PPP4R4: variants seen among roughly 807,000 people sequenced by gnomAD.
PPP4R4 encodes the protein serine/threonine-protein phosphatase 4 regulatory subunit 4.
PPP4R4 carries 70 observed loss-of-function variants against 121.8 expected under a neutral mutation model. The ratio of observed to expected loss-of-function variants is 0.57; its 90% CI spans 0.47 to 0.70. The LOEUF is 0.70. PPP4R4 is among the 30% of genes least tolerant of loss of function. The pLI is 0.00. For missense variants in PPP4R4, 875 were observed against 1,033.6 expected, an observed-to-expected ratio of 0.85 and a Z score of 2.10; for synonymous variants, 348 against 355.7, an observed-to-expected ratio of 0.98 and a Z score of 0.24.
At position 94,242,382 on chromosome 14, in the gene PPP4R4, T is replaced by C; in HGVS notation, c.1240T>C (p.Tyr414His). The change falls in exon 11 of 25, where the codon TAC (tyrosine) becomes CAC (histidine). Residue 414 changes from tyrosine (Y) to histidine (H), a missense_variant. Physicochemically the swap from Tyr to His is moderately conservative, Grantham distance 83 (BLOSUM62 2). Coordinates refer to ENST00000304338, the MANE Select transcript of PPP4R4 (RefSeq NM_058237.2). Reference protein sequence around the residue: ...LCHDPEVPVRYTIAICFYEVS... With the variant: ...LCHDPEVPVRHTIAICFYEVS... ...CCATGACCCTGAAGTACCAGTCAGA[T>C]ACACTATTGCTATTTGCTTTTATGA... 1 of 1,610,658 alleles carries C rather than the reference T, an allele frequency of 6.2e-7. No homozygotes were observed. The highest frequency in any genetic ancestry group is 8.5e-7 in the Non-Finnish European group (1 of 1,177,036).
chr14:94,248,554 T>A (rs1893014396), intron 14 of PPP4R4, among the ~76,000 whole-genome samples: 1 of 152,196 alleles, frequency 6.6e-6, no homozygotes. Context: ...TTAAAAAAAT[T>A]ATTTTAAAAT....
At chr14:94,245,719 A>C in intron 13 of PPP4R4, 49 bp downstream of exon 13, 1 of 1,355,402 alleles carries the variant, frequency 7.4e-7, no homozygotes, top group Non-Finnish European at 1.0e-6. Flanking sequence ...ATATTATCCT[A>C]CTCTACAGGG....
chr14:94,268,991 G>A (rs1566705182), intron 23 of PPP4R4, among the ~76,000 whole-genome samples: 1 of 152,138 alleles, frequency 6.6e-6, no homozygotes, highest in African/African-American at 2.4e-5. Flanking sequence ...AGGGAGAACT[G>A]TAGGTTGAAT....
chr14:94,251,413 T>G (rs1893171505), intron 15 of PPP4R4, among the ~76,000 whole-genome samples: 1 of 152,050 alleles, frequency 6.6e-6, no homozygotes, highest in African/African-American at 2.4e-5. Flanking sequence ...GTGCATCCCT[T>G]GGGCTGCTTT....
At chr14:94,225,698 TC>T (rs1457063622) in intron 3 of PPP4R4, among the ~76,000 whole-genome samples, 2 of 152,152 alleles carry the variant, frequency 1.3e-5, no homozygotes, top group African/African-American at 4.8e-5. Context: ...AAGGTAGAGA[TC>T]CTTATCTTTG....
chr14:94,204,772 A>C (rs555488912), intron 2 of PPP4R4, among the ~76,000 whole-genome samples: 1 of 152,204 alleles, frequency 6.6e-6, no homozygotes, highest in South Asian at 2.1e-4. Context: ...TTCAGCCTAC[A>C]ACTTCTGTAC....
Position 94,216,631 on chromosome 14 carries a change from C to G in PPP4R4, c.294+8065C>G, listed in dbSNP as rs1316407070. Among the ~76,000 whole-genome samples the G allele has an allele frequency of 2.0e-5, 3 of 152,148 alleles. No individual in the cohort carries two copies. The East Asian group carries it at 5.8e-4, about 29-fold the overall frequency. ...AAGGTGTGGTGGTGATGAGCTGTTG[C>G]TGAGGGACAGGAGCCAACTCTGCCC... is the stretch of plus-strand genomic sequence containing the variant. On this transcript the variant is annotated intron_variant, in intron 3 of 24. Coordinates refer to ENST00000304338, the MANE Select transcript of PPP4R4 (RefSeq NM_058237.2).
Position 94,246,347 on chromosome 14 carries a change from T to C in PPP4R4, c.1429-10T>C, listed in dbSNP as rs1892894341. On this transcript the variant is annotated splice_polypyrimidine_tract_variant and intron_variant, in intron 13 of 24. Transcript: ENST00000304338. ...TTTATAATTGATTTTTTGATGCGTT[T>C]CATTTTCAGTTATCTTCTCTGCCTG... 1.3e-6 allele frequency: 2 copies of C among 1,589,164 alleles called. No homozygotes were observed. The highest frequency in any genetic ancestry group is 1.4e-5 in the African/African-American group (1 of 73,224).
intron 16 of PPP4R4, 50 bp downstream of exon 16, chr14:94,251,946 A>G: frequency 7.0e-7 from 1 of 1,434,724 alleles, no homozygotes; most frequent in Non-Finnish European, 9.4e-7. Context: ...ATTTTTATCT[A>G]CTATAGTGAA....
intron 2 of PPP4R4, among the ~76,000 whole-genome samples, chr14:94,182,826 A>C (rs1428259046): frequency 3.9e-5 from 6 of 152,202 alleles, no homozygotes; most frequent in African/African-American, 1.4e-4. Flanking sequence ...GCCTATGTCC[A>C]GCTTAAAAGA....
At chr14:94,246,652 C>T in intron 14 of PPP4R4, 113 bp downstream of exon 14, 1 of 1,191,376 alleles carries the variant, frequency 8.4e-7, no homozygotes, top group Non-Finnish European at 1.2e-6. Flanking sequence ...TCCATTCTAC[C>T]TAGGAGGATG....
At chr14:94,240,586 T>G in intron 8 of PPP4R4, 87 bp from the exon 9 acceptor site, 1 of 1,381,010 alleles carries the variant, frequency 7.2e-7, no homozygotes, top group African/African-American at 1.5e-5. Context: ...TAATTTTTCT[T>G]TCTGGAATTT....
intron 5 of PPP4R4, among the ~76,000 whole-genome samples, chr14:94,232,053 T>G (rs1892067622): frequency 6.6e-6 from 1 of 152,196 alleles, no homozygotes; most frequent in African/African-American, 2.4e-5. Context: ...ATTTACCTAT[T>G]ATGGTTGCCA....
chr14:94,236,225 T>C, intron 7 of PPP4R4, among the ~76,000 whole-genome samples: 1 of 152,206 alleles, frequency 6.6e-6, no homozygotes, highest in East Asian at 1.9e-4. Flanking sequence ...TTAAGTTGAA[T>C]TTGCATCACT....
chr14:94,230,811 G>A, intron 4 of PPP4R4, 77 bp downstream of exon 4: 3 of 1,441,476 alleles, frequency 2.1e-6, no homozygotes, highest in Middle Eastern at 1.8e-4. Context: ...TATAAATACT[G>A]TTAGCCTGAT....
intron 3 of PPP4R4, chr14:94,227,807 A>T (rs1891799455): frequency 2.0e-6 from 2 of 986,794 alleles, no homozygotes; most frequent in South Asian, 9.4e-5. Flanking sequence ...TTATTTGCAA[A>T]GTCCTTTCTG....
chr14:94,238,339 A>C (rs556278203), intron 8 of PPP4R4, among the ~76,000 whole-genome samples: 1 of 152,380 alleles, frequency 6.6e-6, no homozygotes, highest in African/African-American at 2.4e-5. Flanking sequence ...GTGTTGCTAC[A>C]TATTCCATCT....
rs1199016393 is a variant in PPP4R4 at position 94,265,392 on chromosome 14, G to A, written c.2203G>A (p.Asp735Asn). 1.2e-6 allele frequency: 2 copies of A among 1,607,234 alleles called. No individual in the cohort carries two copies. Among genetic ancestry groups the A allele is most frequent in the Admixed American group, 1.7e-5 (1 of 59,970 alleles). Residue 735 changes from aspartate to asparagine, a missense_variant, in exon 21 of 25, where the codon GAC becomes AAC. By Grantham distance (23) the Asp-to-Asn change is conservative. Transcript: ENST00000304338. ...SDKMFEKKRR[D>N]TKTPTQSLPK... The stretch of plus-strand genomic sequence containing the variant: ...TAAAGCAGAATTTATTTTAGGTAGA[G>A]ACACTAAGACACCAACGCAAAGTCT...
intron 16 of PPP4R4, among the ~76,000 whole-genome samples, chr14:94,255,871 A>G (rs1348222086): frequency 6.6e-6 from 1 of 152,202 alleles, no homozygotes; most frequent in Non-Finnish European, 1.5e-5. Context: ...ATTTCCTTAC[A>G]GTAGCCCTCA....
Sources: gnomAD v4.1 joint callset for allele counts (sites outside exome capture counted in the v4.1 genomes callset) on GRCh38, gnomAD v4.1.1 for gene constraint, MANE v1.5 for transcripts, NCBI Gene and HGNC (gene_info 2026-07-23, HGNC 2026-07-21) for gene names.